The following PTPRD variants were observed in gnomAD, a reference collection of about 807,000 sequenced individuals.
PTPRD encodes the protein receptor-type tyrosine-protein phosphatase delta.
In PTPRD, 34 loss-of-function variants were observed where a neutral mutation model predicts 214.5. The observed-to-expected ratio is 0.16, with a 90% CI of 0.12 to 0.21. PTPRD has a LOEUF of 0.21. PTPRD is among the 10% of genes least tolerant of loss of function. The pLI is 1.00. For missense variants in PTPRD, 2,545 were observed against 2,398.7 expected, an observed-to-expected ratio of 1.06 and a Z score of -1.27; for synonymous variants, 1,128 against 845.7, an observed-to-expected ratio of 1.33 and a Z score of -5.79.
At chr9:10,049,899 G>C (rs1284679542) in intron 3 of PTPRD, among the ~76,000 whole-genome samples, 3 of 152,076 alleles carry the variant, frequency 2.0e-5, no homozygotes, top group Non-Finnish European at 4.4e-5. Flanking sequence ...TTTCATTGTA[G>C]GGTAGCATGA....
At chr9:10,346,793 G>A (rs1464783703) in intron 2 of PTPRD, among the ~76,000 whole-genome samples, 1 of 152,040 alleles carries the variant, frequency 6.6e-6, no homozygotes, top group Non-Finnish European at 1.5e-5. Context: ...CACAGGTGTG[G>A]GTCTGAAAGC....
intron 37 of PTPRD, among the ~76,000 whole-genome samples, chr9:8,379,757 G>A (rs943536782): frequency 6.6e-6 from 1 of 152,122 alleles, no homozygotes; most frequent in African/African-American, 2.4e-5. Flanking sequence ...GAGTACATAA[G>A]AACTAGAAGG....
chr9:8,648,595 T>G (rs563647790), intron 12 of PTPRD, among the ~76,000 whole-genome samples: 1 of 152,234 alleles, frequency 6.6e-6, no homozygotes, highest in Non-Finnish European at 1.5e-5. Context: ...TACCTATTTA[T>G]GCATTCAAAA....
chr9:10,523,599 C>CTTTATATATATATATATA, intron 2 of PTPRD, among the ~76,000 whole-genome samples: 1 of 3,922 alleles, frequency 2.5e-4, no homozygotes, highest in African/African-American at 5.5e-4. Context: ...GTATATTTAT[C>CTTTATATATATATATATA]TGTATATATA....
intron 4 of PTPRD, among the ~76,000 whole-genome samples, chr9:9,939,657 C>A (rs1270455237): frequency 6.6e-6 from 1 of 152,092 alleles, no homozygotes; most frequent in Non-Finnish European, 1.5e-5. Context: ...CTGGTAACAC[C>A]CTCTGTGAAT....
chr9:9,375,056 G>T (rs1302331740), intron 9 of PTPRD, among the ~76,000 whole-genome samples: 1 of 151,984 alleles, frequency 6.6e-6, no homozygotes, highest in Non-Finnish European at 1.5e-5. Context: ...TTAAACATAG[G>T]TCTATAACCA....
chr9:9,591,721 G>C (rs913516458), intron 7 of PTPRD, among the ~76,000 whole-genome samples: 12 of 152,058 alleles, frequency 7.9e-5, no homozygotes, highest in African/African-American at 2.9e-4. Context: ...GTGTGGTACA[G>C]TGGGATGTTT....
chr9:9,514,462 T>C (rs2096786390), intron 8 of PTPRD, among the ~76,000 whole-genome samples: 1 of 152,092 alleles, frequency 6.6e-6, no homozygotes, highest in Admixed American at 6.6e-5. Context: ...CCACACACTG[T>C]AATTACATTG....
At chr9:10,173,000 T>C (rs2099220341) in intron 3 of PTPRD, among the ~76,000 whole-genome samples, 1 of 152,232 alleles carries the variant, frequency 6.6e-6, no homozygotes, top group South Asian at 2.1e-4. Flanking sequence ...GAGTCTCCTT[T>C]TTCCTTTGTA....
chr9:9,979,501 T>C (rs1278981309), intron 4 of PTPRD, among the ~76,000 whole-genome samples: 1 of 151,640 alleles, frequency 6.6e-6, no homozygotes, highest in Non-Finnish European at 1.5e-5. Context: ...TTTTTAGATA[T>C]TAAAATAAAA....
chr9:9,613,951 T>G (rs1218286407), intron 7 of PTPRD, among the ~76,000 whole-genome samples: 1 of 152,204 alleles, frequency 6.6e-6, no homozygotes, highest in African/African-American at 2.4e-5. Flanking sequence ...GCTGTTCAGC[T>G]TTTGAAATGA....
At chr9:10,281,234 A>C (rs530173901) in intron 3 of PTPRD, among the ~76,000 whole-genome samples, 1 of 152,362 alleles carries the variant, frequency 6.6e-6, no homozygotes, top group African/African-American at 2.4e-5. Context: ...GGACTTAAAT[A>C]AATATTTGAG....
At chr9:10,077,131 T>C (rs1044915400) in intron 3 of PTPRD, among the ~76,000 whole-genome samples, 10 of 152,154 alleles carry the variant, frequency 6.6e-5, no homozygotes, top group African/African-American at 2.4e-4. Flanking sequence ...TCCTTATACA[T>C]AGTGCTTGAT....
chr9:9,584,106 G>C (rs2091431710), intron 7 of PTPRD, among the ~76,000 whole-genome samples: 1 of 151,854 alleles, frequency 6.6e-6, no homozygotes, highest in Admixed American at 6.6e-5. Context: ...CAGAATCTCA[G>C]ACCCCATCCC....
chr9:8,587,069 G>C (rs957438264), intron 14 of PTPRD, among the ~76,000 whole-genome samples: 1 of 152,146 alleles, frequency 6.6e-6, no homozygotes, highest in Non-Finnish European at 1.5e-5. Flanking sequence ...AGAATGGTGT[G>C]AGTCCAGGAG....
intron 3 of PTPRD, among the ~76,000 whole-genome samples, chr9:10,141,634 C>T (rs1187763026): frequency 1.3e-4 from 20 of 152,008 alleles, no homozygotes; most frequent in Admixed American, 1.3e-4. Context: ...ATTCCATGCT[C>T]ATGGGTAGGA....
At chr9:10,174,757 A>G (rs1345094289) in intron 3 of PTPRD, among the ~76,000 whole-genome samples, 1 of 152,044 alleles carries the variant, frequency 6.6e-6, no homozygotes, top group Non-Finnish European at 1.5e-5. Context: ...GTTTATAGAA[A>G]AACCATAAAA....
chr9:8,328,843 CACGAAGATCTTGTGCTGTG>C, intron 44 of PTPRD, among the ~76,000 whole-genome samples: 1 of 152,184 alleles, frequency 6.6e-6, no homozygotes, highest in East Asian at 1.9e-4. Flanking sequence ...GCGTATGCTT[CACGAAGATCTTGTGCTGTG>C]TTTTTCAGCT....
intron 11 of PTPRD, among the ~76,000 whole-genome samples, chr9:8,833,709 T>TAC (rs1330937417): frequency 7.4e-6 from 1 of 135,348 alleles, no homozygotes; most frequent in African/African-American, 3.0e-5. Flanking sequence ...TCTATATATA[T>TAC]ATATATACAC....
Sources: allele counts gnomAD v4.1 joint callset (sites outside exome capture counted in the v4.1 genomes callset), GRCh38; gene constraint gnomAD v4.1.1; transcripts MANE v1.5; gene names NCBI Gene and HGNC (gene_info 2026-07-23, HGNC 2026-07-21).